Variants in PEBP4 observed in about 807,000 individuals in gnomAD.
PEBP4 encodes phosphatidylethanolamine binding protein 4, also known as phosphatidylethanolamine-binding protein 4.
PEBP4 carries 22 observed loss-of-function variants against 23.9 expected under a neutral mutation model. The ratio of observed to expected loss-of-function variants is 0.92; its 90% CI spans 0.66 to 1.31. The LOEUF is 1.31. Among genes scored for constraint, PEBP4 ranks in the 40% most tolerant of loss-of-function variants. PEBP4 has a pLI of 0.00. For synonymous variants in PEBP4, 112 were observed against 99.3 expected, an observed-to-expected ratio of 1.13 and a Z score of -0.76; for missense variants, 324 against 281.7, an observed-to-expected ratio of 1.15 and a Z score of -1.07.
intron 4 of PEBP4, among the ~76,000 whole-genome samples, chr8:22,759,852 G>A (rs17676811): frequency 0.31 from 47,129 of 152,004 alleles, 8,766 homozygotes; most frequent in Non-Finnish European, 0.41. Context: ...AGTGTGACAC[G>A]GAGCTCAAGG....
intron 3 of PEBP4, among the ~76,000 whole-genome samples, chr8:22,919,564 C>G (rs1048749270): frequency 1.3e-5 from 2 of 152,226 alleles, no homozygotes; most frequent in African/African-American, 4.8e-5. Context: ...TTCCAGACCC[C>G]TAAATGTAAT....
At chr8:22,836,783 G>A (rs1294990822) in intron 3 of PEBP4, among the ~76,000 whole-genome samples, 2 of 151,928 alleles carry the variant, frequency 1.3e-5, no homozygotes, top group African/African-American at 4.8e-5. Flanking sequence ...AGCTTCATCC[G>A]CAGCCAAGCA....
intron 4 of PEBP4, among the ~76,000 whole-genome samples, chr8:22,809,100 T>C (rs967080860): frequency 6.6e-6 from 1 of 151,922 alleles, no homozygotes; most frequent in African/African-American, 2.4e-5. Context: ...GGATTGAGGG[T>C]GGTAAAGGAT....
At chr8:22,908,752 A>C (rs571654704) in intron 3 of PEBP4, among the ~76,000 whole-genome samples, 1 of 152,212 alleles carries the variant, frequency 6.6e-6, no homozygotes, top group East Asian at 1.9e-4. Flanking sequence ...AGGGGAGGGG[A>C]AACTGCAGGT....
chr8:22,841,789 AG>A (rs1807335235), intron 3 of PEBP4, among the ~76,000 whole-genome samples: 1 of 152,248 alleles, frequency 6.6e-6, no homozygotes, highest in Non-Finnish European at 1.5e-5. Context: ...ACCAGCCCAA[AG>A]GGCCGCTGAG....
chr8:22,743,956 T>C (rs1263232548), intron 4 of PEBP4, among the ~76,000 whole-genome samples: 1 of 152,202 alleles, frequency 6.6e-6, no homozygotes, highest in Non-Finnish European at 1.5e-5. Flanking sequence ...AGCCTGACCC[T>C]GTTTGGCTTC....
At chr8:22,856,444 AG>A (rs1807651201) in intron 3 of PEBP4, among the ~76,000 whole-genome samples, 1 of 152,092 alleles carries the variant, frequency 6.6e-6, no homozygotes, top group Admixed American at 6.5e-5. Context: ...GGGCTGAGAG[AG>A]GTGGCTCACA....
intron 3 of PEBP4, among the ~76,000 whole-genome samples, chr8:22,914,931 G>A (rs1486031006): frequency 1.3e-5 from 2 of 152,138 alleles, no homozygotes; most frequent in Admixed American, 6.5e-5. Flanking sequence ...GACACACATT[G>A]TCCTGGCATA....
chr8:22,717,535 C>G (rs1804439947), intron 6 of PEBP4, among the ~76,000 whole-genome samples: 1 of 152,218 alleles, frequency 6.6e-6, no homozygotes, highest in Non-Finnish European at 1.5e-5. Context: ...CCCACCCCAG[C>G]TCCATTCTCC....
At chr8:22,727,081 C>T (rs186553178) in intron 5 of PEBP4, 94 bp downstream of exon 5, 3 of 1,398,592 alleles carry the variant, frequency 2.1e-6, no homozygotes, top group East Asian at 2.3e-5. Context: ...CAGGCTGGTG[C>T]TAGCACACGA....
intron 4 of PEBP4, among the ~76,000 whole-genome samples, chr8:22,780,455 C>A (rs1162308563): frequency 6.6e-6 from 1 of 152,138 alleles, no homozygotes; most frequent in East Asian, 1.9e-4. Flanking sequence ...CCTAAGCACA[C>A]ACAGTAGAGA....
chr8:22,888,470 G>A (rs751523661), intron 3 of PEBP4, among the ~76,000 whole-genome samples: 4 of 152,258 alleles, frequency 2.6e-5, no homozygotes, highest in African/African-American at 9.6e-5. Flanking sequence ...GACCGGCCAC[G>A]GGAGAACCCT....
chr8:22,897,685 T>A (rs796148031), intron 3 of PEBP4: 12 of 152,238 alleles, frequency 7.9e-5, no homozygotes, highest in African/African-American at 2.9e-4. Context: ...ATTAAAAAAA[T>A]GCTTAACATC....
intron 3 of PEBP4, among the ~76,000 whole-genome samples, chr8:22,829,979 C>T (rs530228138): frequency 2.6e-5 from 4 of 152,318 alleles, no homozygotes; most frequent in East Asian, 3.9e-4. Flanking sequence ...TCACACTTGG[C>T]GTCTCAGCTG....
chr8:22,918,249 T>C (rs921442591), intron 3 of PEBP4, among the ~76,000 whole-genome samples: 1 of 152,206 alleles, frequency 6.6e-6, no homozygotes, highest in African/African-American at 2.4e-5. Flanking sequence ...TCCATAGTAG[T>C]AGAATACTAT....
chr8:22,781,567 C>T (rs1364346641), intron 4 of PEBP4, among the ~76,000 whole-genome samples: 2 of 152,164 alleles, frequency 1.3e-5, no homozygotes, highest in Non-Finnish European at 2.9e-5. Context: ...GCACATTTGC[C>T]TTTCAAATGA....
At chr8:22,815,089 A>T (rs1240641841) in intron 4 of PEBP4, 1 of 152,246 alleles carries the variant, frequency 6.6e-6, no homozygotes, top group Non-Finnish European at 1.5e-5. Context: ...AGATGGCATC[A>T]TTCAACTTCT....
intron 3 of PEBP4, among the ~76,000 whole-genome samples, chr8:22,906,484 CTCTT>C (rs1808816325): frequency 2.6e-5 from 4 of 152,304 alleles, no homozygotes; most frequent in Admixed American, 1.3e-4. Context: ...TCTCCCTCTC[CTCTT>C]TCTCTCTCCT....
intron 3 of PEBP4, among the ~76,000 whole-genome samples, chr8:22,917,023 G>A (rs1366983513): frequency 6.6e-6 from 1 of 152,020 alleles, no homozygotes; most frequent in African/African-American, 2.4e-5. Context: ...CCAAGGATGG[G>A]GAAGTGGCCA....
Sources: gnomAD v4.1 joint callset for allele counts (sites outside exome capture counted in the v4.1 genomes callset) on GRCh38, gnomAD v4.1.1 for gene constraint, MANE v1.5 for transcripts, NCBI Gene and HGNC (gene_info 2026-07-23, HGNC 2026-07-21) for gene names.